The following C8orf76 variants were observed in gnomAD, a reference collection of about 807,000 sequenced individuals.
C8orf76 encodes the protein uncharacterized protein C8orf76.
In C8orf76, 46 loss-of-function variants were observed where a neutral mutation model predicts 38.1. The observed-to-expected ratio is 1.21, with a 90% CI of 0.95 to 1.54. The LOEUF (loss-of-function observed/expected upper bound fraction) is 1.54. C8orf76 is among the 40% of genes most tolerant of loss of function. C8orf76 has a pLI of 0.00. For synonymous variants in C8orf76, 166 were observed against 167.5 expected (o/e 0.99, Z 0.07); for missense variants, 461 against 441.6 (o/e 1.04, Z -0.39).
chr8:123,231,122 T>C (rs1480364335), intron 4 of C8orf76, among the ~76,000 whole-genome samples, 178 bp downstream of exon 4: 1 of 152,218 alleles, frequency 6.6e-6, no homozygotes, highest in African/African-American at 2.4e-5. Context: ...CTTAAACAAA[T>C]GTAGTTTTGT....
At chr8:123,238,927 A>G (rs887391560) in intron 2 of C8orf76, 122 bp downstream of exon 2, 3 of 972,120 alleles carry the variant, frequency 3.1e-6, no homozygotes, top group Non-Finnish European at 4.6e-6. Context: ...GATTATAAAC[A>G]CACATCACAA....
chr8:123,237,050 C>A, intron 3 of C8orf76: 1 of 1,323,590 alleles, frequency 7.6e-7, no homozygotes, highest in Non-Finnish European at 1.1e-6. Context: ...GGTGCTGCGC[C>A]TGCGAGGTGG....
chr8:123,236,706 T>C, intron 3 of C8orf76: 1 of 370,726 alleles, frequency 2.7e-6, no homozygotes, highest in African/African-American at 2.1e-5. Context: ...ATCGTTTGAA[T>C]CCGGGAGGCG....
intron 3 of C8orf76, chr8:123,236,736 A>G: frequency 4.7e-6 from 2 of 422,880 alleles, no homozygotes; most frequent in South Asian, 4.4e-5. Flanking sequence ...GCAAGCCGGG[A>G]TCACTCCACT....
Position 123,220,088 on chromosome 8 carries a change from G to GT in C8orf76, c.*14dup. ...TACAGTACAAGATATTTGTGGTTTT[G>GT]TTTTTTATAACCCACTAAGCCAAGA... On this transcript the variant is annotated 3_prime_UTR_variant, in exon 6 of 6. Coordinates refer to ENST00000276704, the MANE Select transcript of C8orf76 (RefSeq NM_032847.3). 6.4e-7 allele frequency: 1 copy of GT among 1,553,048 alleles called. No individual in the cohort carries two copies.
intron 1 of C8orf76, among the ~76,000 whole-genome samples, chr8:123,240,669 G>A (rs2131169489): frequency 6.6e-6 from 1 of 152,342 alleles, no homozygotes; most frequent in Non-Finnish European, 1.5e-5. Context: ...ACTGACAAGT[G>A]CTTTAAGTAG....
chr8:123,237,974 G>A (rs1267521227), intron 2 of C8orf76, 33 bp from the exon 3 acceptor site: 10 of 1,594,172 alleles, frequency 6.3e-6, no homozygotes, highest in Admixed American at 1.8e-5. Context: ...AGAAATGAAA[G>A]GAGGAAAACA....
Position 123,222,942 on chromosome 8 carries a change from T to C in C8orf76, c.949-2645A>G, listed in dbSNP as rs574827742. On this transcript the variant is annotated intron_variant, in intron 5 of 5. Coordinates refer to ENST00000276704, the MANE Select transcript of C8orf76 (RefSeq NM_032847.3). ...CTTTCTAAATGATAATTTGGAAATG[T>C]GCTTTAAGTCTTTAAAAATGCTCAT... 2.0e-5 allele frequency among the ~76,000 whole-genome samples: 3 copies of C among 152,340 alleles called. No individual in the cohort carries two copies. In the East Asian group the frequency reaches 5.8e-4, roughly 29 times the overall value.
At chr8:123,226,425 T>C (rs1224528304) in intron 5 of C8orf76, 75 bp downstream of exon 5, 2 of 1,578,992 alleles carry the variant, frequency 1.3e-6, no homozygotes, top group Non-Finnish European at 1.7e-6. Flanking sequence ...GGCCCTGCTT[T>C]ATAAAAAATG....
intron 4 of C8orf76, among the ~76,000 whole-genome samples, chr8:123,230,286 T>TTAA (rs1407664518): frequency 6.6e-6 from 1 of 152,222 alleles, no homozygotes; most frequent in African/African-American, 2.4e-5. Flanking sequence ...GTAGAATGAA[T>TTAA]TAAGCATCAT....
At chr8:123,223,750 C>T (rs1160944156) in intron 5 of C8orf76, among the ~76,000 whole-genome samples, 1 of 152,064 alleles carries the variant, frequency 6.6e-6, no homozygotes, top group Admixed American at 6.5e-5. Context: ...GAGATATGTA[C>T]ATATATATGA....
chr8:123,221,423 C>T (rs1824892577), intron 5 of C8orf76, among the ~76,000 whole-genome samples: 1 of 152,078 alleles, frequency 6.6e-6, no homozygotes, highest in African/African-American at 2.4e-5. Flanking sequence ...AGCAAGATCC[C>T]CGTCCCTACA....
intron 5 of C8orf76, among the ~76,000 whole-genome samples, chr8:123,221,251 A>G (rs1242769218): frequency 1.3e-5 from 2 of 152,230 alleles, no homozygotes; most frequent in Non-Finnish European, 2.9e-5. Context: ...CTGGTATTTC[A>G]CCAGTTCTAA....
intron 3 of C8orf76, among the ~76,000 whole-genome samples, chr8:123,236,452 T>G (rs1287108241): frequency 1.3e-5 from 2 of 152,090 alleles, no homozygotes; most frequent in African/African-American, 2.4e-5. Context: ...AAAAAAAAAT[T>G]CCGCTTTAGA....
At chr8:123,225,113 C>T (rs1428534434) in intron 5 of C8orf76, among the ~76,000 whole-genome samples, 2 of 152,200 alleles carry the variant, frequency 1.3e-5, no homozygotes, top group Non-Finnish European at 2.9e-5. Flanking sequence ...TCAAGCAATT[C>T]TCCCGCCTTA....
At chr8:123,235,036 C>T (rs889274730) in intron 3 of C8orf76, among the ~76,000 whole-genome samples, 7 of 152,112 alleles carry the variant, frequency 4.6e-5, no homozygotes, top group East Asian at 3.8e-4. Flanking sequence ...TGCATGTACA[C>T]GATATATTGT....
chr8:123,231,464 A>G lies in C8orf76; in HGVS notation c.651T>C (p.Pro217=), dbSNP rs1453967528. ...ATAAAGAGCTCTCAGGCAAGGTTTC[A>G]GGAAAACACAAAAGACAGTCTTTTC... ...HSGKDCLLCF[P]ETLPESSLFS... is the part of the protein sequence containing the mutation. The change falls in exon 4 of 6, where the codon CCT becomes CCC. Residue 217 remains proline (P), a synonymous_variant. Coordinates refer to ENST00000276704, the MANE Select transcript of C8orf76 (RefSeq NM_032847.3). The G allele has an allele frequency of 1.2e-6, 2 of 1,614,240 alleles. No individual in the cohort carries two copies.
intron 4 of C8orf76, among the ~76,000 whole-genome samples, chr8:123,229,160 G>A (rs1241063205): frequency 1.3e-5 from 2 of 152,288 alleles, no homozygotes; most frequent in Admixed American, 6.5e-5. Flanking sequence ...CCCTCTGGGC[G>A]GTGCCTTCTT....
Position 123,241,317 on chromosome 8 carries a change from G to T in C8orf76, c.30C>A (p.Gly10=). ...CCTCGAACACCGAGTCCTCGAACTC[G>T]CCGCCGAACAACCAGCACCCGGAAT... MDSGCWLFG[G]EFEDSVFEER... The change falls in exon 1 of 6, where the codon GGC becomes GGA. Residue 10 remains glycine, a synonymous_variant. Transcript: ENST00000276704. 1 of 1,571,790 alleles carries T rather than the reference G, an allele frequency of 6.4e-7. No homozygotes were observed.
Sources: gnomAD v4.1 joint callset for allele counts (sites outside exome capture counted in the v4.1 genomes callset) on GRCh38, gnomAD v4.1.1 for gene constraint, MANE v1.5 for transcripts, NCBI Gene and HGNC (gene_info 2026-07-23, HGNC 2026-07-21) for gene names.